Variants in COL23A1 observed in about 807,000 individuals in gnomAD.
COL23A1 encodes the protein collagen alpha-1(XXIII) chain.
COL23A1 carries 97 observed loss-of-function variants against 99.3 expected under a neutral mutation model. The ratio of observed to expected loss-of-function variants is 0.98; its 90% confidence interval spans 0.83 to 1.16. The LOEUF is 1.16. Among genes scored for constraint, COL23A1 ranks in the 50% most tolerant of loss-of-function variants. The probability of loss-of-function intolerance (pLI) is 0.00; values close to 1 mark genes in which losing one functional copy is unlikely to be tolerated. For missense variants in COL23A1, 762 were observed against 757.4 expected, an observed-to-expected ratio of 1.01 and a Z score of -0.07; for synonymous variants, 320 against 308.2, an observed-to-expected ratio of 1.04 and a Z score of -0.40.
chr5:178,472,067 G>C (rs1239571771), intron 2 of COL23A1, among the ~76,000 whole-genome samples: 2 of 152,220 alleles, frequency 1.3e-5, no homozygotes. Flanking sequence ...CAAGGAGGGA[G>C]GATGGCTTGA....
At chr5:178,534,711 G>A (rs931362722) in intron 2 of COL23A1, among the ~76,000 whole-genome samples, 6 of 152,070 alleles carry the variant, frequency 3.9e-5, no homozygotes, top group Admixed American at 1.3e-4. Flanking sequence ...CCCGGGAGGC[G>A]GAGGTTGCAG....
chr5:178,270,283 C>T, intron 6 of COL23A1, 54 bp downstream of exon 6: 1 of 1,610,202 alleles, frequency 6.2e-7, no homozygotes, highest in Non-Finnish European at 8.5e-7. Context: ...ACTCCTAGCC[C>T]CACGGTGGCA....
intron 1 of COL23A1, among the ~76,000 whole-genome samples, chr5:178,577,917 G>A (rs1383775637): frequency 6.6e-6 from 1 of 152,242 alleles, no homozygotes; most frequent in African/African-American, 2.4e-5. Context: ...GTCTTTCGGG[G>A]ACACTTGGAC....
At chr5:178,256,496 G>C in intron 14 of COL23A1, 99 bp from the exon 15 acceptor site, 1 of 1,186,564 alleles carries the variant, frequency 8.4e-7, no homozygotes, top group South Asian at 1.7e-5. Flanking sequence ...GAGGGCCCAG[G>C]GCCCGAGTGC....
intron 2 of COL23A1, among the ~76,000 whole-genome samples, chr5:178,510,813 T>C (rs1759164306): frequency 6.6e-6 from 1 of 152,188 alleles, no homozygotes; most frequent in African/African-American, 2.4e-5. Context: ...GGTAGAAGTT[T>C]ATTCATATGA....
chr5:178,322,410 T>G, intron 2 of COL23A1, among the ~76,000 whole-genome samples: 1 of 152,234 alleles, frequency 6.6e-6, no homozygotes, highest in Non-Finnish European at 1.5e-5. Flanking sequence ...GTTGGTGGCA[T>G]GAGCCGCTGC....
intron 2 of COL23A1, among the ~76,000 whole-genome samples, chr5:178,437,902 G>A (rs1264677073): frequency 6.6e-6 from 1 of 152,224 alleles, no homozygotes; most frequent in Admixed American, 6.5e-5. Flanking sequence ...GTCAGCCTCG[G>A]CTGGGCTGAG....
intron 2 of COL23A1, among the ~76,000 whole-genome samples, chr5:178,404,086 A>G (rs1581320412): frequency 1.3e-5 from 2 of 152,124 alleles, no homozygotes; most frequent in African/African-American, 4.8e-5. Flanking sequence ...CCCTGCACAC[A>G]CCCTGCCTCC....
Position 178,255,125 on chromosome 5 carries a change from G to T in COL23A1, c.883-99C>A. 1 of 1,020,932 alleles carries T rather than the reference G, an allele frequency of 9.8e-7. No homozygotes were observed. The highest frequency in any genetic ancestry group is 1.5e-6 in the Non-Finnish European group (1 of 655,184). The allele number at this position is 1,020,932 out of a possible 1,614,324, so 63.2% of individuals were successfully genotyped here. Reference sequence around the variant, plus strand: ...GCATCACATCCAGAGAGAAAGCAATGGAAGAGCCTCGTCACCCAGGCTGCA... The same window carrying T: ...GCATCACATCCAGAGAGAAAGCAATTGAAGAGCCTCGTCACCCAGGCTGCA... On this transcript the variant is annotated intron_variant, in intron 15 of 28. Transcript: ENST00000390654. The surrounding 1 kb of genome is among the most constrained non-coding windows in gnomAD (Gnocchi z 4.2).
rs555856994 is a variant in COL23A1, at chr5:178,345,578, G to A, written c.362-38659C>T. On this transcript the variant is annotated intron_variant, in intron 2 of 28. Coordinates refer to ENST00000390654, the MANE Select transcript of COL23A1 (RefSeq NM_173465.4). ...GCCACCCAGGCTGGAGTGCAGTGGC[G>A]CGATCTCGACTCACTGCAAGCTCCG... 2.7e-4 allele frequency among the ~76,000 whole-genome samples: 41 copies of A among 151,434 alleles called. No homozygotes were observed. In the East Asian group the frequency reaches 6.8e-3, roughly 25 times the overall value.
At chr5:178,499,406 G>C (rs531874677) in intron 2 of COL23A1, among the ~76,000 whole-genome samples, 1 of 152,168 alleles carries the variant, frequency 6.6e-6, no homozygotes, top group African/African-American at 2.4e-5. Context: ...CTGATCTTAC[G>C]TGCCTTGATA....
At chr5:178,390,124 C>G (rs1763888747) in intron 2 of COL23A1, among the ~76,000 whole-genome samples, 1 of 152,198 alleles carries the variant, frequency 6.6e-6, no homozygotes. Flanking sequence ...GAAGGCTGGC[C>G]TTGGATTCAG....
intron 2 of COL23A1, among the ~76,000 whole-genome samples, chr5:178,364,121 G>GC: frequency 6.6e-6 from 1 of 152,286 alleles, no homozygotes; most frequent in South Asian, 2.1e-4. Flanking sequence ...TTGATCTTGT[G>GC]CCACATGGAC....
At chr5:178,518,302 A>G (rs1311363290) in intron 2 of COL23A1, among the ~76,000 whole-genome samples, 2 of 149,010 alleles carry the variant, frequency 1.3e-5, no homozygotes, top group Non-Finnish European at 3.0e-5. Flanking sequence ...ACTTCTTTCT[A>G]CACAGACACG....
rs1282655878 is a variant in COL23A1 at position 178,384,760 on chromosome 5, T to C, written c.362-77841A>G. Among the ~76,000 whole-genome samples the C allele has an allele frequency of 2.6e-5, 4 of 152,182 alleles. No individual in the cohort carries two copies. The highest frequency in any genetic ancestry group is 5.9e-5 in the Non-Finnish European group (4 of 68,028). ...GCACATATAACAGCCACCACGACCC[T>C]TGTACCACCCGGGGACGGCCCAGAA... On this transcript the variant is annotated intron_variant, in intron 2 of 28. Transcript: ENST00000390654. The surrounding 1 kb of genome is among the most constrained non-coding windows in gnomAD (Gnocchi z 5.5).
rs985684772 is a variant in COL23A1 at position 178,271,974 on chromosome 5, C to T, written c.442-1611G>A. 1.3e-5 allele frequency among the ~76,000 whole-genome samples: 2 copies of T among 152,316 alleles called. 1 individual carries two copies. The highest frequency in any genetic ancestry group is 4.1e-4 in the South Asian group (2 of 4,824). On this transcript the variant is annotated intron_variant, in intron 5 of 28. Transcript: ENST00000390654. ...GCAGCCTTCGCTCAGGCTGTCCCTG[C>T]CTCTCTGGGCTTCCGCTGGCTGAGG... is the stretch of plus-strand genomic sequence containing the variant.
At chr5:178,454,566 G>A (rs1767663773) in intron 2 of COL23A1, among the ~76,000 whole-genome samples, 1 of 152,120 alleles carries the variant, frequency 6.6e-6, no homozygotes, top group Non-Finnish European at 1.5e-5. Context: ...CAGTTGCCTC[G>A]CCTGTGAAAT....
intron 2 of COL23A1, among the ~76,000 whole-genome samples, chr5:178,406,444 T>C (rs1418190113): frequency 1.3e-5 from 2 of 148,830 alleles, no homozygotes; most frequent in South Asian, 2.1e-4. Flanking sequence ...TTTTTTTTTT[T>C]CTTGAGACGG....
At chr5:178,432,448 G>A (rs868074988) in intron 2 of COL23A1, among the ~76,000 whole-genome samples, 1 of 152,302 alleles carries the variant, frequency 6.6e-6, no homozygotes, top group South Asian at 2.1e-4. Context: ...GGAAATATGG[G>A]AGAAATACCC....
Sources: allele counts gnomAD v4.1 joint callset (sites outside exome capture counted in the v4.1 genomes callset), GRCh38; gene constraint gnomAD v4.1.1; non-coding constraint Gnocchi (gnomAD v3.1); transcripts MANE v1.5; gene names NCBI Gene and HGNC (gene_info 2026-07-23, HGNC 2026-07-21).